The following WDR76 variants were observed in gnomAD, a reference collection of about 807,000 sequenced individuals.
WDR76 encodes WD repeat-containing protein 76.
In WDR76, 52 loss-of-function variants were observed where a neutral mutation model predicts 70.2. That is an observed-to-expected ratio of 0.74 (90% confidence interval 0.59 to 0.93). The LOEUF (loss-of-function observed/expected upper bound fraction) is 0.93. WDR76 is among the 40% of genes least tolerant of loss of function. The pLI, the probability that WDR76 is intolerant of heterozygous loss-of-function variation, is 0.00. For missense variants in WDR76, 756 were observed against 760.2 expected (o/e 0.99, Z 0.07); for synonymous variants, 292 against 271.1 (o/e 1.08, Z -0.76).
chr15:43,829,856 G>A (rs995560425), intron 2 of WDR76, among the ~76,000 whole-genome samples: 1 of 151,896 alleles, frequency 6.6e-6, no homozygotes, highest in Non-Finnish European at 1.5e-5. Context: ...ATGACCTTAG[G>A]GGATTGGATA....
intron 9 of WDR76, among the ~76,000 whole-genome samples, chr15:43,855,583 T>C (rs896850011): frequency 2.0e-5 from 3 of 152,210 alleles, no homozygotes; most frequent in Non-Finnish European, 2.9e-5. Context: ...ATTGTGGTCA[T>C]CCCCTCTTAA....
intron 1 of WDR76, 113 bp downstream of exon 1, chr15:43,827,205 G>A: frequency 1.5e-6 from 2 of 1,367,448 alleles, no homozygotes; most frequent in South Asian, 2.4e-5. Flanking sequence ...GTAGGCGGGG[G>A]ATCCCTGCCC....
In WDR76 at chr15:43,827,436, T is replaced by C. The variant is rs1336996840; in HGVS notation, c.60+344T>C. Among the ~76,000 whole-genome samples the C allele has an allele frequency of 2.0e-5, 3 of 152,234 alleles. No homozygotes were observed. The East Asian group carries it at 5.8e-4, about 29-fold the overall frequency. ...ATTATTATTATTGGTCTGGAAAACT[T>C]ATGGGCAAATGTGCCCAGTAAGTGA... On this transcript the variant is annotated intron_variant, in intron 1 of 12. Transcript: ENST00000263795.
rs116939972 is a variant in WDR76 at position 43,836,666 on chromosome 15, C to T, written c.608+450C>T. Among the ~76,000 whole-genome samples the T allele has an allele frequency of 6.9e-4, 105 of 152,236 alleles. 3 individuals carry two copies. In the East Asian group the frequency reaches 0.02, roughly 29 times the overall value. On this transcript the variant is annotated intron_variant, in intron 4 of 12. Transcript: ENST00000263795. ...CTAGCAATTTTGTCCTATATTATCT[C>T]ATTTAACTCTGACAACCACTGCATG...
At chr15:43,849,561 C>T (rs560857036) in intron 8 of WDR76, among the ~76,000 whole-genome samples, 3 of 151,216 alleles carry the variant, frequency 2.0e-5, no homozygotes, top group South Asian at 2.1e-4. Context: ...TTTTTTGAGA[C>T]GGAGTCTCGC....
chr15:43,839,594 C>G lies in WDR76; in HGVS notation c.609-11C>G. 1 of 1,594,104 alleles carries G rather than the reference C, an allele frequency of 6.3e-7. No homozygotes were observed. Among genetic ancestry groups the G allele is most frequent in the Non-Finnish European group, 8.5e-7 (1 of 1,171,570 alleles). Reference sequence around the variant, plus strand: ...TGTGAGTATAACATGAGTTTTTCCCCACTCCTTTAGAAAGAAGCCTAAGAG... The same window carrying G: ...TGTGAGTATAACATGAGTTTTTCCCGACTCCTTTAGAAAGAAGCCTAAGAG... On this transcript the variant is annotated splice_polypyrimidine_tract_variant and intron_variant, in intron 4 of 12. Transcript: ENST00000263795.
intron 9 of WDR76, among the ~76,000 whole-genome samples, chr15:43,851,630 T>G (rs915388720): frequency 6.6e-6 from 1 of 152,222 alleles, no homozygotes; most frequent in Non-Finnish European, 1.5e-5. Context: ...CTCTTCTGTT[T>G]TTAGGCATAA....
intron 2 of WDR76, among the ~76,000 whole-genome samples, chr15:43,832,305 G>A (rs189120271): frequency 4.2e-4 from 64 of 152,120 alleles, no homozygotes; most frequent in African/African-American, 1.3e-3. Flanking sequence ...TAAGGCTGGA[G>A]CCCAGGAGTG....
At chr15:43,858,895 G>A in intron 11 of WDR76, 72 bp downstream of exon 11, 1 of 1,540,308 alleles carries the variant, frequency 6.5e-7, no homozygotes. Context: ...TAAACCAAAA[G>A]CTTTGTTTAC....
intron 2 of WDR76, among the ~76,000 whole-genome samples, chr15:43,829,467 T>C (rs78513325): frequency 2.9e-4 from 44 of 150,578 alleles, no homozygotes; most frequent in African/African-American, 9.7e-4. Flanking sequence ...ATTAAATGAA[T>C]TGGACTTGGG....
intron 2 of WDR76, among the ~76,000 whole-genome samples, chr15:43,830,497 G>T (rs1420394890): frequency 1.3e-5 from 2 of 151,564 alleles, no homozygotes; most frequent in Non-Finnish European, 2.9e-5. Flanking sequence ...GGAAGGTGGA[G>T]GTTGCGGTGA....
chr15:43,832,136 T>C (rs945634429), intron 2 of WDR76, among the ~76,000 whole-genome samples: 6 of 152,244 alleles, frequency 3.9e-5, no homozygotes, highest in Admixed American at 1.3e-4. Context: ...GAATTTTTAA[T>C]GCATTGTTCC....
chr15:43,855,957 C>T (rs2087921581), intron 9 of WDR76, among the ~76,000 whole-genome samples: 1 of 152,122 alleles, frequency 6.6e-6, no homozygotes, highest in Non-Finnish European at 1.5e-5. Context: ...TGTTGCATAT[C>T]TTGAGTATGC....
chr15:43,841,798 T>C (rs2087728926), intron 5 of WDR76, among the ~76,000 whole-genome samples: 1 of 152,230 alleles, frequency 6.6e-6, no homozygotes, highest in Admixed American at 6.5e-5. Flanking sequence ...AATTCTCAGC[T>C]TCTCCAGTTA....
intron 7 of WDR76, among the ~76,000 whole-genome samples, 173 bp from the exon 8 acceptor site, chr15:43,843,728 G>T (rs992977317): frequency 1.3e-5 from 2 of 152,076 alleles, no homozygotes; most frequent in African/African-American, 4.8e-5. Context: ...ATTATCAAGG[G>T]TAATTTAAAA....
At chr15:43,840,534 A>G (rs1253523874) in intron 5 of WDR76, among the ~76,000 whole-genome samples, 1 of 152,190 alleles carries the variant, frequency 6.6e-6, no homozygotes, top group East Asian at 1.9e-4. Context: ...AAGAACACCT[A>G]TTTTTAATAC....
At position 43,828,211 on chromosome 15, in the gene WDR76, T is replaced by C; in HGVS notation, c.307T>C (p.Ser103Pro). The C allele has an allele frequency of 6.2e-7, 1 of 1,614,140 alleles. No homozygotes were observed. The highest frequency in any genetic ancestry group is 1.1e-5 in the South Asian group (1 of 91,088). ...ACCTCCAAAGATGAAAAACACATCT[T>C]CCAAGGCAGAATCCACGCTGCAAAA... ...IIPPKMKNTS[S>P]KAESTLQNSS... Residue 103 changes from serine (S) to proline (P), a missense_variant, in exon 2 of 13, where the codon TCC becomes CCC. Ser to Pro is a moderately conservative substitution (Grantham distance 74, BLOSUM62 -1). Coordinates refer to ENST00000263795, the MANE Select transcript of WDR76 (RefSeq NM_024908.4).
At chr15:43,844,925 G>GT (rs1183740143) in intron 8 of WDR76, among the ~76,000 whole-genome samples, 2 of 10,490 alleles carry the variant, frequency 1.9e-4, no homozygotes, top group African/African-American at 3.1e-4. Flanking sequence ...GAGACTCTGT[G>GT]TAAAAAAAAA....
At chr15:43,843,501 A>G (rs1000508822) in intron 7 of WDR76, among the ~76,000 whole-genome samples, 2 of 152,172 alleles carry the variant, frequency 1.3e-5, no homozygotes, top group Non-Finnish European at 2.9e-5. Context: ...GTATATGGAT[A>G]TGATAGTGGA....
Sources: allele counts gnomAD v4.1 joint callset (sites outside exome capture counted in the v4.1 genomes callset), GRCh38; gene constraint gnomAD v4.1.1; transcripts MANE v1.5; gene names NCBI Gene and HGNC (gene_info 2026-07-23, HGNC 2026-07-21).